Variants in PRDM5 observed in about 807,000 individuals in gnomAD.
PRDM5 encodes the protein PR/SET domain 5.
A neutral mutation model predicts 81.2 loss-of-function variants in PRDM5; 56 were observed. The ratio of observed to expected loss-of-function variants is 0.69; its 90% confidence interval spans 0.56 to 0.86. The LOEUF (loss-of-function observed/expected upper bound fraction) is 0.86. Ranked by LOEUF, PRDM5 falls within the 40% of genes least tolerant of loss-of-function variation. PRDM5 has a pLI of 0.00. For synonymous variants in PRDM5, 267 were observed against 256.4 expected (o/e 1.04, Z -0.39); for missense variants, 697 against 770.1 (o/e 0.91, Z 1.12).
intron 3 of PRDM5, among the ~76,000 whole-genome samples, chr4:120,831,846 T>A (rs1756756319): frequency 1.3e-5 from 2 of 152,158 alleles, no homozygotes; most frequent in South Asian, 4.1e-4. Flanking sequence ...ATAAAATGTT[T>A]GAAGTATCAA....
At chr4:120,740,802 T>C (rs1002425019) in intron 14 of PRDM5, among the ~76,000 whole-genome samples, 5 of 152,190 alleles carry the variant, frequency 3.3e-5, no homozygotes, top group African/African-American at 9.6e-5. Context: ...ATAGAACTGA[T>C]AATGTCACTC....
chr4:120,805,107 T>C (rs1011336492), intron 8 of PRDM5, among the ~76,000 whole-genome samples: 1 of 152,022 alleles, frequency 6.6e-6, no homozygotes, highest in Non-Finnish European at 1.5e-5. Flanking sequence ...CTAGAAGAAA[T>C]GGATACATTC....
chr4:120,890,180 G>A (rs1460835382), intron 2 of PRDM5, among the ~76,000 whole-genome samples: 1 of 152,134 alleles, frequency 6.6e-6, no homozygotes, highest in African/African-American at 2.4e-5. Context: ...TAGCTTCTGG[G>A]GAGGCCTCAG....
intron 14 of PRDM5, among the ~76,000 whole-genome samples, chr4:120,734,198 C>T (rs1390093217): frequency 6.6e-6 from 1 of 151,746 alleles, no homozygotes; most frequent in Non-Finnish European, 1.5e-5. Context: ...CACCTGGGCT[C>T]CATTCTGCAG....
intron 3 of PRDM5, among the ~76,000 whole-genome samples, chr4:120,851,692 A>T (rs1332772763): frequency 6.6e-6 from 1 of 152,218 alleles, no homozygotes; most frequent in Non-Finnish European, 1.5e-5. Flanking sequence ...AGATGACATT[A>T]GGAAATTAAG....
chr4:120,691,035 AATAT>A (rs923228090), downstream of PRDM5, among the ~76,000 whole-genome samples: 2 of 152,148 alleles, frequency 1.3e-5, no homozygotes, highest in Non-Finnish European at 2.9e-5. Flanking sequence ...TAGGTAACTA[AATAT>A]ATGTTTTAAT....
chr4:120,800,516 C>CAAA (rs34793587), intron 8 of PRDM5, among the ~76,000 whole-genome samples: 2 of 121,916 alleles, frequency 1.6e-5, no homozygotes, highest in Admixed American at 8.0e-5. Flanking sequence ...GACTCGGTCT[C>CAAA]AAAAAAAAAA....
At chr4:120,837,572 G>T (rs1757501389) in intron 3 of PRDM5, 1 of 152,112 alleles carries the variant, frequency 6.6e-6, no homozygotes, top group Non-Finnish European at 1.5e-5. Context: ...AACCAAGCAG[G>T]TTATACTTAC....
intron 2 of PRDM5, among the ~76,000 whole-genome samples, chr4:120,863,946 C>A (rs1760923530): frequency 6.6e-6 from 1 of 152,102 alleles, no homozygotes; most frequent in Non-Finnish European, 1.5e-5. Context: ...GCAGCAAAAT[C>A]AAAGCAATAA....
At chr4:120,917,803 A>T (rs1216241486) in intron 1 of PRDM5, among the ~76,000 whole-genome samples, 3 of 151,866 alleles carry the variant, frequency 2.0e-5, no homozygotes, top group East Asian at 3.9e-4. Flanking sequence ...TGTTTTTTTT[A>T]AAAGTGTGCA....
chr4:120,721,859 T>C (rs1738655837), intron 14 of PRDM5, among the ~76,000 whole-genome samples: 1 of 152,218 alleles, frequency 6.6e-6, no homozygotes, highest in South Asian at 2.1e-4. Flanking sequence ...ATCACTTGGC[T>C]CTAAGCCACT....
chr4:120,730,799 G>A (rs1740139175), intron 14 of PRDM5, among the ~76,000 whole-genome samples: 2 of 152,032 alleles, frequency 1.3e-5, no homozygotes, highest in Non-Finnish European at 2.9e-5. Flanking sequence ...ATTTATAGAG[G>A]TTTATTTTAG....
At chr4:120,793,707 G>A (rs967644702) in intron 10 of PRDM5, among the ~76,000 whole-genome samples, 1 of 152,180 alleles carries the variant, frequency 6.6e-6, no homozygotes, top group Non-Finnish European at 1.5e-5. Flanking sequence ...GCTAAATCAA[G>A]CTAATTAACA....
chr4:120,718,424 T>C (rs1190602766), intron 14 of PRDM5, among the ~76,000 whole-genome samples: 6 of 152,192 alleles, frequency 3.9e-5, no homozygotes, highest in Non-Finnish European at 7.3e-5. Context: ...GTTTACTCTA[T>C]TAAAACTCAC....
At chr4:120,767,615 C>T (rs1746568924) in intron 13 of PRDM5, among the ~76,000 whole-genome samples, 1 of 152,066 alleles carries the variant, frequency 6.6e-6, no homozygotes, top group Admixed American at 6.6e-5. Flanking sequence ...TAACCATTTC[C>T]TAGAAATAAA....
rs752221668 is a variant in PRDM5, at chr4:120,710,385, C to T, written c.1652G>A (p.Ser551Asn). The T allele has an allele frequency of 1.2e-5, 19 of 1,613,986 alleles. No individual in the cohort carries two copies. Among genetic ancestry groups the T allele is most frequent in the Admixed American group, 1.7e-5 (1 of 59,988 alleles). Residue 551 changes from serine to asparagine, a missense_variant, in exon 15 of 16, where the codon AGC (serine) becomes AAC (asparagine). This residue lies in a region of PRDM5 where 86 missense variants were observed against 135.2 expected (regional missense o/e 0.64). Transcript: ENST00000264808. Reference protein sequence around the residue: ...REKPYKCSECSKAFSQKRGLD... With the variant: ...REKPYKCSECNKAFSQKRGLD... ...GCCTCGCTTCTGGCTGAAGGCCTTG[C>T]TGCACTCTGAGCACTTGTACGGCTT...
At chr4:120,776,835 G>A (rs1748221653) in intron 13 of PRDM5, among the ~76,000 whole-genome samples, 1 of 152,068 alleles carries the variant, frequency 6.6e-6, no homozygotes, top group Non-Finnish European at 1.5e-5. Flanking sequence ...TTTGACATGG[G>A]TTACAGGAAG....
intron 2 of PRDM5, among the ~76,000 whole-genome samples, chr4:120,869,467 A>G (rs910938830): frequency 1.1e-4 from 17 of 152,308 alleles, no homozygotes; most frequent in Admixed American, 1.1e-3. Flanking sequence ...CATAAATTAG[A>G]CCTACAATTG....
chr4:120,872,150 CAAAAAAAAAA>C (rs70948365), intron 2 of PRDM5, among the ~76,000 whole-genome samples: 1 of 41,836 alleles, frequency 2.4e-5, no homozygotes, highest in African/African-American at 1.2e-4. Context: ...GACTCCATCT[CAAAAAAAAAA>C]AAAAAAAAAA....
Sources: gnomAD v4.1 joint callset for allele counts (sites outside exome capture counted in the v4.1 genomes callset) on GRCh38, gnomAD v4.1.1 for gene constraint, gnomAD v4.1.1 regional missense constraint, MANE v1.5 for transcripts, NCBI Gene and HGNC (gene_info 2026-07-23, HGNC 2026-07-21) for gene names.